Variants in SLX9 observed in about 807,000 individuals in gnomAD.
SLX9 encodes the protein SLX9 ribosome biogenesis factor.
SLX9 carries 19 observed loss-of-function variants against 20.8 expected under a neutral mutation model. That is an observed-to-expected ratio of 0.91 (90% CI 0.64 to 1.34). The LOEUF (loss-of-function observed/expected upper bound fraction) is 1.34. Ranked by LOEUF, SLX9 falls within the 40% of genes most tolerant of loss-of-function variation. The pLI is 0.00. For synonymous variants in SLX9, 113 were observed against 137.1 expected (o/e 0.82, Z 1.23); for missense variants, 299 against 322.2 (o/e 0.93, Z 0.55).
intron 3 of SLX9, among the ~76,000 whole-genome samples, chr21:44,965,115 T>C (rs1350731527): frequency 2.6e-5 from 4 of 152,252 alleles, no homozygotes. Context: ...TTCTTATGCA[T>C]TTAGTTGTTT....
intron 2 of SLX9, among the ~76,000 whole-genome samples, chr21:44,957,582 C>T (rs2084881429): frequency 6.6e-6 from 1 of 152,252 alleles, no homozygotes; most frequent in Non-Finnish European, 1.5e-5. Flanking sequence ...GGAGCCACCT[C>T]ATGCCCTGCG....
rs200515425 is a variant in SLX9 at position 44,976,663 on chromosome 21, G to A, written c.570-17G>A. On this transcript the variant is annotated splice_polypyrimidine_tract_variant and intron_variant, in intron 5 of 5. Transcript: ENST00000291634. ...CGGGGGTTCCTGCCTGCTGATCTGTGGTCTCCATTCTTTCAGCGAGGAAGA... is the reference window on the plus strand; with the variant it reads ...CGGGGGTTCCTGCCTGCTGATCTGTAGTCTCCATTCTTTCAGCGAGGAAGA... 1.3e-4 allele frequency: 206 copies of A among 1,577,564 alleles called. No homozygotes were observed. Among genetic ancestry groups the A allele is most frequent in the Admixed American group, 7.4e-4 (41 of 55,716 alleles).
chr21:44,968,499 G>C (rs1018925355), intron 4 of SLX9, among the ~76,000 whole-genome samples: 13 of 152,230 alleles, frequency 8.5e-5, no homozygotes, highest in Non-Finnish European at 1.8e-4. Flanking sequence ...CTGATAAGCT[G>C]CTGCCTGTGG....
At chr21:44,956,941 C>T (rs539955503) in intron 2 of SLX9, among the ~76,000 whole-genome samples, 133 of 152,378 alleles carry the variant, frequency 8.7e-4, no homozygotes, top group Non-Finnish European at 1.4e-3. Flanking sequence ...AGCACCGTGG[C>T]AGCTGGGAAG....
At chr21:44,962,280 C>T (rs1331810641) in intron 3 of SLX9, among the ~76,000 whole-genome samples, 6 of 152,084 alleles carry the variant, frequency 3.9e-5, no homozygotes, top group Non-Finnish European at 8.8e-5. Flanking sequence ...AGGTTATGGA[C>T]CATCACCACC....
At chr21:44,946,474 G>A (rs1488835645) in intron 2 of SLX9, among the ~76,000 whole-genome samples, 3 of 152,252 alleles carry the variant, frequency 2.0e-5, no homozygotes, top group East Asian at 3.9e-4. Context: ...GGTTTTGGGT[G>A]TTGGGGAGGA....
intron 2 of SLX9, among the ~76,000 whole-genome samples, chr21:44,950,068 C>G (rs2084727041): frequency 6.6e-6 from 1 of 152,012 alleles, no homozygotes; most frequent in African/African-American, 2.4e-5. Flanking sequence ...TCAGACAGTA[C>G]AGACTCTGGG....
chr21:44,941,454 G>GTT (rs879290247), intron 1 of SLX9, among the ~76,000 whole-genome samples: 5 of 145,988 alleles, frequency 3.4e-5, no homozygotes, highest in African/African-American at 1.3e-4. Flanking sequence ...TGCCCCCTTG[G>GTT]TTTTTTTTTT....
chr21:44,967,281 GAGCCTGCAGAGGCCGA>G, intron 4 of SLX9, 100 bp downstream of exon 4: 1 of 1,441,178 alleles, frequency 6.9e-7, no homozygotes, highest in Non-Finnish European at 9.2e-7. Context: ...GGTGCTTCCT[GAGCCTGCAGAGGCCGA>G]GAGCTGGGGC....
intron 2 of SLX9, among the ~76,000 whole-genome samples, chr21:44,948,408 G>A (rs889615936): frequency 6.6e-6 from 1 of 152,002 alleles, no homozygotes; most frequent in Non-Finnish European, 1.5e-5. Flanking sequence ...CGGGGAGCTG[G>A]TCGTGGAGCA....
At chr21:44,944,330 T>C (rs928614285) in intron 2 of SLX9, among the ~76,000 whole-genome samples, 3 of 152,168 alleles carry the variant, frequency 2.0e-5, no homozygotes, top group African/African-American at 4.8e-5. Context: ...CGTCTCCTGG[T>C]TGTGCTCCTT....
intron 2 of SLX9, among the ~76,000 whole-genome samples, chr21:44,957,514 G>A (rs2084880180): frequency 6.6e-6 from 1 of 152,226 alleles, no homozygotes; most frequent in Admixed American, 6.5e-5. Context: ...CTCAGATACA[G>A]GCGCTGTGGC....
chr21:44,952,588 C>G (rs2838742), intron 2 of SLX9, among the ~76,000 whole-genome samples: 2 of 152,128 alleles, frequency 1.3e-5, no homozygotes, highest in Admixed American at 1.3e-4. Flanking sequence ...GTCTTTTGGC[C>G]GAGTGGACAG....
chr21:44,946,618 T>C (rs1222677810), intron 2 of SLX9, among the ~76,000 whole-genome samples: 1 of 152,180 alleles, frequency 6.6e-6, no homozygotes, highest in Admixed American at 6.5e-5. Flanking sequence ...GCCTTGGAGG[T>C]TGTCCCTGAG....
intron 2 of SLX9, among the ~76,000 whole-genome samples, chr21:44,950,269 T>C (rs1402763761): frequency 8.0e-6 from 1 of 124,264 alleles, no homozygotes; most frequent in Non-Finnish European, 1.7e-5. Flanking sequence ...AAGACCTTTT[T>C]TTACAGTTGT....
chr21:44,972,943 CCCGCGGTCACAGGACGGTCAGGCAG>C, intron 4 of SLX9: 1 of 37,610 alleles, frequency 2.7e-5, no homozygotes, highest in Non-Finnish European at 4.5e-5. Flanking sequence ...CAGCTTGGGG[CCCGCGGTCACAGGACGGTCAGGCAG>C]TTGCACTGCT....
chr21:44,948,333 C>CG (rs555548403), intron 2 of SLX9, among the ~76,000 whole-genome samples: 1,840 of 102,508 alleles, frequency 0.018, 49 homozygotes, highest in African/African-American at 0.086. Flanking sequence ...GAGCATCGGG[C>CG]GTCCGGGGAG....
At chr21:44,965,138 G>A (rs58929845) in intron 3 of SLX9, among the ~76,000 whole-genome samples, 11,878 of 152,180 alleles carry the variant, frequency 0.078, 1,532 homozygotes, top group African/African-American at 0.27. Flanking sequence ...AAAACATAAA[G>A]TTTAGAATTA....
chr21:44,945,896 G>A (rs933201918), intron 2 of SLX9, among the ~76,000 whole-genome samples: 4 of 152,192 alleles, frequency 2.6e-5, no homozygotes, highest in Non-Finnish European at 4.4e-5. Flanking sequence ...CACCACGCCC[G>A]GCTAATTTTT....
Sources: allele counts gnomAD v4.1 joint callset (sites outside exome capture counted in the v4.1 genomes callset), GRCh38; gene constraint gnomAD v4.1.1; transcripts MANE v1.5; gene names NCBI Gene and HGNC (gene_info 2026-07-23, HGNC 2026-07-21).